FNDC3A: variants seen among roughly 807,000 people sequenced by gnomAD.
FNDC3A encodes fibronectin type-III domain-containing protein 3A.
Under a neutral mutation model 148.9 loss-of-function variants are expected in FNDC3A, and 32 were observed. The observed-to-expected ratio is 0.21, with a 90% CI of 0.16 to 0.29. FNDC3A has a LOEUF of 0.29. Ranked by LOEUF, FNDC3A falls within the 10% of genes least tolerant of loss-of-function variation. The pLI, the probability that FNDC3A is intolerant of heterozygous loss-of-function variation, is 1.00. For missense variants in FNDC3A, 1,191 were observed against 1,452.8 expected (o/e 0.82, Z 2.93); for synonymous variants, 472 against 473.6 (o/e 1.00, Z 0.04).
chr13:49,192,773 G>A (rs899465727), intron 19 of FNDC3A, among the ~76,000 whole-genome samples: 5 of 152,068 alleles, frequency 3.3e-5, no homozygotes, highest in Non-Finnish European at 7.4e-5. Flanking sequence ...ATCACCTTAA[G>A]TAAATATTTA....
At chr13:49,013,447 T>TAC (rs1332203374) in intron 2 of FNDC3A, among the ~76,000 whole-genome samples, 2 of 152,036 alleles carry the variant, frequency 1.3e-5, no homozygotes, top group East Asian at 3.9e-4. Context: ...TACATATGTA[T>TAC]ACATGTACAT....
intron 4 of FNDC3A, among the ~76,000 whole-genome samples, chr13:49,123,995 G>A (rs1266980343): frequency 6.6e-6 from 1 of 152,182 alleles, no homozygotes; most frequent in Non-Finnish European, 1.5e-5. Context: ...CCATTACTGG[G>A]TATATAGCCA....
intron 3 of FNDC3A, among the ~76,000 whole-genome samples, chr13:49,082,525 CA>C (rs1878545593): frequency 3.3e-5 from 5 of 152,072 alleles, no homozygotes; most frequent in Admixed American, 2.6e-4. Context: ...CTATAAAACA[CA>C]AAAGAGTTTA....
intron 19 of FNDC3A, among the ~76,000 whole-genome samples, chr13:49,192,793 T>C (rs1885952785): frequency 6.6e-6 from 1 of 152,204 alleles, no homozygotes; most frequent in African/African-American, 2.4e-5. Context: ...ACTTTCCGTA[T>C]TTCCAGAGAA....
chr13:49,022,959 T>C (rs1873438657), intron 2 of FNDC3A, among the ~76,000 whole-genome samples: 1 of 152,118 alleles, frequency 6.6e-6, no homozygotes, highest in South Asian at 2.1e-4. Context: ...ATCACATTTT[T>C]GTAAGCACAC....
chr13:49,022,921 A>T (rs1873435395), intron 2 of FNDC3A, among the ~76,000 whole-genome samples: 1 of 152,146 alleles, frequency 6.6e-6, no homozygotes. Flanking sequence ...CTTATGCTCA[A>T]GGTTCAGATC....
intron 8 of FNDC3A, among the ~76,000 whole-genome samples, chr13:49,151,392 T>A (rs998323748): frequency 1.3e-5 from 2 of 152,188 alleles, no homozygotes; most frequent in South Asian, 4.1e-4. Flanking sequence ...TGAGTGTAGC[T>A]ACTCCTGCTC....
chr13:49,039,227 T>C (rs964778683), intron 2 of FNDC3A, among the ~76,000 whole-genome samples: 14 of 152,252 alleles, frequency 9.2e-5, no homozygotes, highest in African/African-American at 3.1e-4. Flanking sequence ...GTATAATTTA[T>C]GCATAGGTAT....
At chr13:49,205,467 C>G (rs1886604473) in intron 25 of FNDC3A, among the ~76,000 whole-genome samples, 1 of 152,102 alleles carries the variant, frequency 6.6e-6, no homozygotes, top group Non-Finnish European at 1.5e-5. Flanking sequence ...GTCCAAAATT[C>G]AAAATGTTCC....
intron 2 of FNDC3A, among the ~76,000 whole-genome samples, chr13:49,009,378 G>C (rs1450912652): frequency 1.3e-5 from 2 of 152,058 alleles, no homozygotes; most frequent in Non-Finnish European, 2.9e-5. Flanking sequence ...AGGACATCTT[G>C]GTCACTTCCA....
chr13:48,997,183 C>T (rs1054785642), intron 1 of FNDC3A, among the ~76,000 whole-genome samples: 9 of 152,184 alleles, frequency 5.9e-5, no homozygotes, highest in Non-Finnish European at 1.2e-4. Context: ...CATTTTTCCA[C>T]ATGCTTTTTA....
At chr13:49,049,703 C>CTTCTT (rs140886279) in intron 2 of FNDC3A, among the ~76,000 whole-genome samples, 14 of 150,988 alleles carry the variant, frequency 9.3e-5, no homozygotes, top group Middle Eastern at 3.2e-3. Context: ...TCTCTCTTCT[C>CTTCTT]TTCTTTTCTT....
chr13:48,989,104 A>C (rs1367326914), intron 1 of FNDC3A, among the ~76,000 whole-genome samples: 1 of 152,156 alleles, frequency 6.6e-6, no homozygotes, highest in African/African-American at 2.4e-5. Context: ...AGTACTCTGG[A>C]GGGTTTTGCA....
chr13:49,199,817 GTTGCTAATCT>G (rs1219571500), intron 23 of FNDC3A, among the ~76,000 whole-genome samples: 7 of 152,124 alleles, frequency 4.6e-5, no homozygotes, highest in Non-Finnish European at 7.4e-5. Flanking sequence ...GCTAATCACT[GTTGCTAATCT>G]TTGCTAATCT....
intron 13 of FNDC3A, among the ~76,000 whole-genome samples, chr13:49,178,292 TAA>T (rs1566309125): frequency 1.3e-5 from 2 of 152,234 alleles, no homozygotes; most frequent in South Asian, 2.1e-4. Flanking sequence ...TCCAACTCTA[TAA>T]ACTCTTCCCT....
At position 49,131,197 on chromosome 13, in the gene FNDC3A, C is replaced by G. The variant is rs77990203; in HGVS notation, c.313C>G (p.Pro105Ala). The G allele has an allele frequency of 6.2e-7, 1 of 1,613,912 alleles. No homozygotes were observed. Among genetic ancestry groups the G allele is most frequent in the South Asian group, 1.1e-5 (1 of 91,078 alleles). ...GGTCCCTCAGGCACCAGAGTTTCACCCTGGTAGTCACACAGTTCTCCACCG... is the reference window on the plus strand; with the variant it reads ...GGTCCCTCAGGCACCAGAGTTTCACGCTGGTAGTCACACAGTTCTCCACCG... ...VVVPQAPEFHPGSHTVLHRSP... is the reference protein window; with the variant it reads ...VVVPQAPEFHAGSHTVLHRSP... Residue 105 changes from proline to alanine, a missense_variant, in exon 5 of 26, where the codon CCT becomes GCT. Coordinates refer to ENST00000492622, the MANE Select transcript of FNDC3A (RefSeq NM_001079673.2).
intron 1 of FNDC3A, among the ~76,000 whole-genome samples, chr13:49,001,210 G>A (rs185780217): frequency 5.1e-4 from 77 of 152,170 alleles, no homozygotes; most frequent in African/African-American, 1.8e-3. Context: ...TATTTACTGC[G>A]ATCTCCAAAC....
At chr13:49,000,032 T>C (rs1385094454) in intron 1 of FNDC3A, among the ~76,000 whole-genome samples, 1 of 152,222 alleles carries the variant, frequency 6.6e-6, no homozygotes, top group Admixed American at 6.5e-5. Context: ...ATTCCATAGA[T>C]TACCTCTTTA....
intron 2 of FNDC3A, among the ~76,000 whole-genome samples, chr13:49,049,684 T>C: frequency 6.7e-6 from 1 of 149,988 alleles, no homozygotes; most frequent in East Asian, 1.9e-4. Flanking sequence ...GTTGAGCTTA[T>C]TTGGATCTTC....
Sources: gnomAD v4.1 joint callset for allele counts (sites outside exome capture counted in the v4.1 genomes callset) on GRCh38, gnomAD v4.1.1 for gene constraint, MANE v1.5 for transcripts, NCBI Gene and HGNC (gene_info 2026-07-23, HGNC 2026-07-21) for gene names.